The following LHX4 variants were observed in gnomAD, a reference collection of about 807,000 sequenced individuals.
LHX4 encodes the protein LIM homeobox 4.
Under a neutral mutation model 39.2 loss-of-function variants are expected in LHX4, and 16 were observed. The ratio of observed to expected loss-of-function variants is 0.41; its 90% CI spans 0.28 to 0.62. LHX4 has a LOEUF of 0.62. Among genes scored for constraint, LHX4 ranks in the 20% least tolerant of loss-of-function variants. LHX4 has a pLI of 0.33. For synonymous variants in LHX4, 206 were observed against 198.1 expected (o/e 1.04, Z -0.33); for missense variants, 439 against 511.9 (o/e 0.86, Z 1.37).
chr1:180,262,602 C>A (rs1648151350), intron 2 of LHX4, among the ~76,000 whole-genome samples: 1 of 151,316 alleles, frequency 6.6e-6, no homozygotes, highest in Non-Finnish European at 1.5e-5. Context: ...GATTTCTACC[C>A]ATTTTCTGAG....
chr1:180,249,535 A>C (rs1647514521), intron 2 of LHX4, among the ~76,000 whole-genome samples: 1 of 152,232 alleles, frequency 6.6e-6, no homozygotes, highest in Admixed American at 6.5e-5. Context: ...GAGGCTCGCC[A>C]AAGGCTGAAC....
intron 3 of LHX4, chr1:180,270,986 C>A: frequency 3.2e-6 from 1 of 313,302 alleles, no homozygotes; most frequent in Non-Finnish European, 6.3e-6. Context: ...CGACTTTGAA[C>A]ATGACTTCAA....
At chr1:180,248,140 C>G in intron 1 of LHX4, 145 bp from the exon 2 acceptor site, 1 of 767,430 alleles carries the variant, frequency 1.3e-6, no homozygotes, top group Non-Finnish European at 2.3e-6. Context: ...AATGTATAAC[C>G]TGTACAACTA....
intron 1 of LHX4, among the ~76,000 whole-genome samples, chr1:180,238,398 T>C (rs193123661): frequency 7.7e-4 from 118 of 152,360 alleles, no homozygotes; most frequent in African/African-American, 2.6e-3. Context: ...TAGTCATTTG[T>C]CAAGACAAAC....
Position 180,230,625 on chromosome 1 carries a change from C to T in LHX4, c.76+20C>T. On this transcript the variant is annotated intron_variant, in intron 1 of 5. Transcript: ENST00000263726. The surrounding 1 kb of genome is among the most constrained non-coding windows in gnomAD (Gnocchi z 5.8). ...TGCAACGTAAGACACCCCCCTTTCT[C>T]GCTGATTTAATTCTAACAAGACAGC... is the stretch of plus-strand genomic sequence containing the variant. The T allele has an allele frequency of 1.9e-6, 3 of 1,607,196 alleles. No homozygotes were observed. Among genetic ancestry groups the T allele is most frequent in the Non-Finnish European group, 2.6e-6 (3 of 1,174,196 alleles).
intron 3 of LHX4, among the ~76,000 whole-genome samples, chr1:180,267,252 C>T (rs1330276366): frequency 1.3e-5 from 2 of 152,214 alleles, no homozygotes; most frequent in East Asian, 1.9e-4. Flanking sequence ...GCTGCCCCCA[C>T]CCCCTTCACC....
intron 2 of LHX4, among the ~76,000 whole-genome samples, chr1:180,258,539 G>A (rs1571275190): frequency 6.6e-6 from 1 of 152,336 alleles, no homozygotes; most frequent in South Asian, 2.1e-4. Context: ...TAGGGGCATG[G>A]GCGGAAGCGG....
chr1:180,234,221 A>T lies in LHX4; in HGVS notation c.76+3616A>T, dbSNP rs56910751. ...TATATATATATATATATATATATATAATAGATTGAGATTCTATCATATTCC... is the reference window on the plus strand; with the variant it reads ...TATATATATATATATATATATATATTATAGATTGAGATTCTATCATATTCC... On this transcript the variant is annotated intron_variant, in intron 1 of 5. Coordinates refer to ENST00000263726, the MANE Select transcript of LHX4 (RefSeq NM_033343.4). The surrounding 1 kb of genome is among the most constrained non-coding windows in gnomAD (Gnocchi z 4.8). 1.2e-5 allele frequency among the ~76,000 whole-genome samples: 1 copy of T among 86,874 alleles called. No homozygotes were observed. Among genetic ancestry groups the T allele is most frequent in the Non-Finnish European group, 2.0e-5 (1 of 49,758 alleles). The allele number at this position is 86,874 out of a possible 152,430, so 57.0% of individuals were successfully genotyped here.
In LHX4 at chr1:180,234,984, C is replaced by T. The variant is rs1664277798; in HGVS notation, c.76+4379C>T. The stretch of plus-strand genomic sequence containing the variant: ...TGAGCGTTTGCTGCGCACCCATGGG[C>T]GGCTCACGATCCTGGGCACTCGCCC... On this transcript the variant is annotated intron_variant, in intron 1 of 5. Coordinates refer to ENST00000263726, the MANE Select transcript of LHX4 (RefSeq NM_033343.4). This position sits in a 1 kb window ranked among gnomAD's most constrained non-coding sequence, Gnocchi z 4.8. 2.0e-5 allele frequency among the ~76,000 whole-genome samples: 3 copies of T among 152,192 alleles called. No homozygotes were observed. Among genetic ancestry groups the T allele is most frequent in the Admixed American group, 2.0e-4 (3 of 15,290 alleles).
In LHX4 at chr1:180,266,288, G is replaced by T; in HGVS notation, c.249-104G>T. 3.7e-6 allele frequency: 4 copies of T among 1,076,940 alleles called. No homozygotes were observed. Among genetic ancestry groups the T allele is most frequent in the Middle Eastern group, 2.8e-4 (1 of 3,514 alleles). The allele number at this position is 1,076,940 out of a possible 1,614,324, so 66.7% of individuals were successfully genotyped here. A position where few individuals can be genotyped will look rare whatever the true frequency, so the allele number is the denominator to read the frequency against. ...GGGTGACTGGGGGGTGAGGCTCATG[G>T]AGTCCCGGAGTGGTGGGGTAGGAGG... On this transcript the variant is annotated intron_variant, in intron 2 of 5. Transcript: ENST00000263726. This position sits in a 1 kb window ranked among gnomAD's most constrained non-coding sequence, Gnocchi z 5.7.
At position 180,230,696 on chromosome 1, in the gene LHX4, C is replaced by A; in HGVS notation, c.76+91C>A. The A allele has an allele frequency of 7.9e-7, 1 of 1,264,216 alleles. No homozygotes were observed. The highest frequency in any genetic ancestry group is 1.5e-5 in the African/African-American group (1 of 67,970). The allele number at this position is 1,264,216 out of a possible 1,614,324, so 78.3% of individuals were successfully genotyped here. ...GGGCGGGCCGGACGCCGCTCAGGGG[C>A]CGGGAGGGGCTGGCGGCCGGGGCGC... On this transcript the variant is annotated intron_variant, in intron 1 of 5. Transcript: ENST00000263726. The surrounding 1 kb of genome is among the most constrained non-coding windows in gnomAD (Gnocchi z 5.8).
At chr1:180,253,348 G>A (rs1346925316) in intron 2 of LHX4, among the ~76,000 whole-genome samples, 1 of 152,236 alleles carries the variant, frequency 6.6e-6, no homozygotes, top group African/African-American at 2.4e-5. Flanking sequence ...CCAGGCAGCT[G>A]CCTTCCTCTG....
intron 1 of LHX4, among the ~76,000 whole-genome samples, chr1:180,239,003 G>A (rs561582279): frequency 9.9e-5 from 15 of 152,260 alleles, no homozygotes; most frequent in Admixed American, 9.1e-4. Context: ...TATCATCAGC[G>A]GTGATGGTGG....
At chr1:180,249,674 C>T (rs1281923445) in intron 2 of LHX4, among the ~76,000 whole-genome samples, 1 of 152,258 alleles carries the variant, frequency 6.6e-6, no homozygotes, top group Non-Finnish European at 1.5e-5. Flanking sequence ...ATTTCTCCCA[C>T]ATCTTCCCAA....
At chr1:180,251,784 C>G (rs1647640535) in intron 2 of LHX4, among the ~76,000 whole-genome samples, 1 of 152,222 alleles carries the variant, frequency 6.6e-6, no homozygotes, top group Non-Finnish European at 1.5e-5. Context: ...ATGAAATGAC[C>G]TACTCTCAGG....
upstream of LHX4, among the ~76,000 whole-genome samples, chr1:180,228,751 C>T (rs551919152): frequency 2.0e-5 from 3 of 152,184 alleles, no homozygotes; most frequent in Non-Finnish European, 4.4e-5. Flanking sequence ...CGCAGACGAC[C>T]AGGCCATTCT....
chr1:180,236,300 T>C (rs1664317582), intron 1 of LHX4, among the ~76,000 whole-genome samples: 1 of 152,208 alleles, frequency 6.6e-6, no homozygotes, highest in African/African-American at 2.4e-5. Context: ...TTTTGAACAG[T>C]GACCCGATGA....
chr1:180,251,337 G>T (rs1390404845), intron 2 of LHX4, among the ~76,000 whole-genome samples: 1 of 152,224 alleles, frequency 6.6e-6, no homozygotes, highest in East Asian at 1.9e-4. Flanking sequence ...TCATCCTCCA[G>T]GGACGGTGCC....
Position 180,274,636 on chromosome 1 carries a change from T to C in LHX4, c.*57T>C, listed in dbSNP as rs1648917839. The C allele has an allele frequency of 6.7e-7, 1 of 1,491,646 alleles. No homozygotes were observed. The highest frequency in any genetic ancestry group is 1.8e-4 in the Middle Eastern group (1 of 5,448). The allele number at this position is 1,491,646 out of a possible 1,614,324, so 92.4% of individuals were successfully genotyped here. A position where few individuals can be genotyped will look rare whatever the true frequency, so the allele number is the denominator to read the frequency against. The stretch of plus-strand genomic sequence containing the variant: ...TGGCTTGAGAGAATATCTTCAAGGA[T>C]CAAAAGAGACTTGCCTTTTAAGGAT... On this transcript the variant is annotated 3_prime_UTR_variant, in exon 6 of 6. Coordinates refer to ENST00000263726, the MANE Select transcript of LHX4 (RefSeq NM_033343.4).
Sources: allele counts gnomAD v4.1 joint callset (sites outside exome capture counted in the v4.1 genomes callset), GRCh38; gene constraint gnomAD v4.1.1; non-coding constraint Gnocchi (gnomAD v3.1); transcripts MANE v1.5; gene names NCBI Gene and HGNC (gene_info 2026-07-23, HGNC 2026-07-21).